Variants in DCDC1 observed in about 807,000 individuals in gnomAD.
The protein encoded by DCDC1 is doublecortin domain-containing protein 1.
In DCDC1, 200 loss-of-function variants were observed where a neutral mutation model predicts 178.3. The ratio of observed to expected loss-of-function variants is 1.12; its 90% CI spans 1.00 to 1.26. DCDC1 has a LOEUF of 1.26. Among genes scored for constraint, DCDC1 ranks in the 50% most tolerant of loss-of-function variants. The probability of loss-of-function intolerance (pLI) is 0.00; values close to 1 mark genes in which losing one functional copy is unlikely to be tolerated. For synonymous variants in DCDC1, 690 were observed against 604.8 expected (o/e 1.14, Z -2.07); for missense variants, 1,983 against 1,749.2 (o/e 1.13, Z -2.38).
chr11:30,865,623 A>T (rs1940912455), intron 38 of DCDC1, among the ~76,000 whole-genome samples: 1 of 152,138 alleles, frequency 6.6e-6, no homozygotes, highest in African/African-American at 2.4e-5. Context: ...CGGAAATCTG[A>T]ACTATCTGGC....
Position 31,137,771 on chromosome 11 carries a change from A to G in DCDC1, c.1235T>C (p.Met412Thr), listed in dbSNP as rs1013915615. 1 of 702,656 alleles carries G rather than the reference A, an allele frequency of 1.4e-6. No homozygotes were observed. Among genetic ancestry groups the G allele is most frequent in the Admixed American group, 2.0e-5 (1 of 49,946 alleles). The allele number at this position is 702,656 out of a possible 1,614,324, so 43.5% of individuals were successfully genotyped here. ...KKYYKQLNLV[M>T]NEQKEKITEK... Reference sequence around the variant, plus strand: ...TGTAATTTTCTCCTTCTGTTCATTCATGACCAGGTTCAACTAGAAAAAACA... The same window carrying G: ...TGTAATTTTCTCCTTCTGTTCATTCGTGACCAGGTTCAACTAGAAAAAACA... Residue 412 changes from methionine to threonine, a missense_variant, in exon 10 of 39, where the codon ATG becomes ACG. Transcript: ENST00000684477.
Position 30,878,709 on chromosome 11 carries a change from A to C in DCDC1, c.5236T>G (p.Leu1746Val). Residue 1746 changes from leucine (L) to valine (V), a missense_variant and splice_region_variant, in exon 38 of 39, where the codon TTA becomes GTA. Coordinates refer to ENST00000684477, the MANE Select transcript of DCDC1 (RefSeq NM_001387274.1). ...GCTCTGATCTCCATCAGTTGTTTTA[A>C]CTCTGTTAAAAAAAAAAAAAAAAGA... ...MGHGFKTPKE[L>V]KQLMEIRANY... is the part of the protein sequence containing the mutation. The C allele has an allele frequency of 6.5e-7, 1 of 1,535,660 alleles. No individual in the cohort carries two copies. Among genetic ancestry groups the C allele is most frequent in the Admixed American group, 2.3e-5 (1 of 44,080 alleles).
intron 3 of DCDC1, among the ~76,000 whole-genome samples, chr11:31,313,962 A>C (rs774500347): frequency 1.4e-4 from 22 of 152,180 alleles, no homozygotes; most frequent in Non-Finnish European, 2.9e-4. Context: ...GGAAGTGTAT[A>C]TGTCTCTACT....
At chr11:31,163,954 A>G (rs1389735725) in intron 9 of DCDC1, among the ~76,000 whole-genome samples, 1 of 152,140 alleles carries the variant, frequency 6.6e-6, no homozygotes, top group Non-Finnish European at 1.5e-5. Context: ...CTTTTCTTAG[A>G]CAGTCCTATT....
At chr11:31,179,426 G>C (rs997063365) in intron 9 of DCDC1, among the ~76,000 whole-genome samples, 1 of 152,206 alleles carries the variant, frequency 6.6e-6, no homozygotes, top group Non-Finnish European at 1.5e-5. Flanking sequence ...ATCAACCTAA[G>C]CGTCCAACAA....
intron 6 of DCDC1, among the ~76,000 whole-genome samples, chr11:31,302,109 T>C (rs956894818): frequency 6.6e-6 from 1 of 152,050 alleles, no homozygotes; most frequent in Non-Finnish European, 1.5e-5. Flanking sequence ...AACCAAAAAG[T>C]TTTAAAGACA....
chr11:31,037,455 A>G (rs1427169571), intron 20 of DCDC1, among the ~76,000 whole-genome samples: 2 of 142,872 alleles, frequency 1.4e-5, no homozygotes, highest in Non-Finnish European at 3.0e-5. Context: ...TTTTTTGAGA[A>G]GGAGTCTCGC....
chr11:30,908,502 T>C (rs1945230514), intron 29 of DCDC1, among the ~76,000 whole-genome samples: 1 of 152,134 alleles, frequency 6.6e-6, no homozygotes, highest in African/African-American at 2.4e-5. Context: ...AAAGAATTAT[T>C]GTTAATCTTG....
chr11:31,340,165 T>C (rs1349468358), intron 1 of DCDC1, among the ~76,000 whole-genome samples: 4 of 152,220 alleles, frequency 2.6e-5, no homozygotes, highest in Non-Finnish European at 5.9e-5. Flanking sequence ...GGGGCCTTTT[T>C]GCATTTTTAA....
chr11:31,225,885 A>T (rs1462353024), intron 9 of DCDC1, among the ~76,000 whole-genome samples: 1 of 152,010 alleles, frequency 6.6e-6, no homozygotes, highest in Admixed American at 6.6e-5. Context: ...AAAGAAGTAC[A>T]TTCCTATTCC....
intron 9 of DCDC1, among the ~76,000 whole-genome samples, chr11:31,152,440 G>C (rs1965265570): frequency 6.6e-6 from 1 of 152,204 alleles, no homozygotes; most frequent in African/African-American, 2.4e-5. Context: ...GTAACCATGT[G>C]ATCTACTGTT....
chr11:31,350,348 A>G (rs538687069), intron 1 of DCDC1, among the ~76,000 whole-genome samples: 1 of 152,100 alleles, frequency 6.6e-6, no homozygotes, highest in African/African-American at 2.4e-5. Flanking sequence ...TTTATAAATT[A>G]TAAATTATTT....
chr11:31,239,742 G>A (rs1474120016), intron 9 of DCDC1, among the ~76,000 whole-genome samples: 1 of 151,598 alleles, frequency 6.6e-6, no homozygotes, highest in African/African-American at 2.4e-5. Context: ...CAATCACAGA[G>A]ACACTAAAAT....
chr11:31,043,659 GCACC>G (rs984662244), intron 20 of DCDC1, among the ~76,000 whole-genome samples: 1 of 151,982 alleles, frequency 6.6e-6, no homozygotes, highest in Non-Finnish European at 1.5e-5. Context: ...TATTGTCATG[GCACC>G]ACATGCGATT....
intron 37 of DCDC1, among the ~76,000 whole-genome samples, chr11:30,879,241 G>A (rs1942420841): frequency 2.6e-5 from 4 of 152,104 alleles, no homozygotes; most frequent in Admixed American, 2.0e-4. Context: ...CTCCCAGACT[G>A]CTTTATTTTC....
chr11:31,315,612 A>T (rs1469854800), intron 3 of DCDC1, among the ~76,000 whole-genome samples: 1 of 148,986 alleles, frequency 6.7e-6, no homozygotes, highest in Non-Finnish European at 1.5e-5. Context: ...CTGGGATTAC[A>T]GGCGTGAGCC....
At chr11:31,339,692 T>G (rs1272955782) in intron 1 of DCDC1, among the ~76,000 whole-genome samples, 1 of 152,190 alleles carries the variant, frequency 6.6e-6, no homozygotes, top group East Asian at 1.9e-4. Flanking sequence ...TATGGGAAAT[T>G]GTACTTCAGA....
At chr11:31,022,896 G>A (rs1773788460) in intron 20 of DCDC1, among the ~76,000 whole-genome samples, 1 of 151,932 alleles carries the variant, frequency 6.6e-6, no homozygotes. Flanking sequence ...TAAAGGATTG[G>A]ATGAATGGTG....
At chr11:31,094,308 A>G (rs1958004052) in intron 15 of DCDC1, 124 bp from the exon 16 acceptor site, 2 of 629,036 alleles carry the variant, frequency 3.2e-6, no homozygotes, top group East Asian at 5.3e-5. Flanking sequence ...CTTTTCAAAA[A>G]GTAGCATTCA....
Sources: gnomAD v4.1 joint callset for allele counts (sites outside exome capture counted in the v4.1 genomes callset) on GRCh38, gnomAD v4.1.1 for gene constraint, MANE v1.5 for transcripts, NCBI Gene and HGNC (gene_info 2026-07-23, HGNC 2026-07-21) for gene names.